HDAC9: variants seen among roughly 807,000 people sequenced by gnomAD.
The protein encoded by HDAC9 is MEF-2 interacting transcription repressor (MITR) protein.
HDAC9 carries 41 observed loss-of-function variants against 139.4 expected under a neutral mutation model. That is an observed-to-expected ratio of 0.29 (90% CI 0.23 to 0.38). The LOEUF is 0.38. Among genes scored for constraint, HDAC9 ranks in the 10% least tolerant of loss-of-function variants. HDAC9 has a pLI of 1.00. For missense variants in HDAC9, 1,147 were observed against 1,297.0 expected (o/e 0.88, Z 1.78); for synonymous variants, 517 against 476.2 (o/e 1.09, Z -1.12).
chr7:18,228,874 C>G (rs1235064738), intron 2 of HDAC9, among the ~76,000 whole-genome samples: 1 of 152,154 alleles, frequency 6.6e-6, no homozygotes, highest in African/African-American at 2.4e-5. Flanking sequence ...ACCAACATTT[C>G]TAACAGAATA....
intron 6 of HDAC9, among the ~76,000 whole-genome samples, chr7:18,606,179 C>T (rs147164064): frequency 6.6e-6 from 1 of 152,312 alleles, no homozygotes; most frequent in East Asian, 1.9e-4. Flanking sequence ...GTTTGCCCTG[C>T]AACCTTAATT....
chr7:18,624,964 A>G (rs2128957430), intron 6 of HDAC9, among the ~76,000 whole-genome samples: 1 of 152,142 alleles, frequency 6.6e-6, no homozygotes, highest in African/African-American at 2.4e-5. Context: ...GAGAAGTTGT[A>G]TACTGTATAT....
At chr7:18,702,782 G>C (rs900009545) in intron 12 of HDAC9, among the ~76,000 whole-genome samples, 2 of 152,134 alleles carry the variant, frequency 1.3e-5, no homozygotes, top group Admixed American at 1.3e-4. Flanking sequence ...AAAAATCTCT[G>C]CCCACACTTT....
chr7:18,203,242 A>C (rs1485557082), intron 2 of HDAC9, among the ~76,000 whole-genome samples: 4 of 152,210 alleles, frequency 2.6e-5, no homozygotes, highest in African/African-American at 9.6e-5. Flanking sequence ...ATATTAATAA[A>C]TAACCTGACT....
chr7:18,380,009 C>T (rs1785295078), intron 1 of HDAC9, among the ~76,000 whole-genome samples: 1 of 152,130 alleles, frequency 6.6e-6, no homozygotes, highest in Non-Finnish European at 1.5e-5. Flanking sequence ...AATGGAGTAA[C>T]ACATTTTAGT....
intron 12 of HDAC9, among the ~76,000 whole-genome samples, chr7:18,684,851 C>G (rs1426238362): frequency 1.3e-5 from 2 of 151,982 alleles, no homozygotes; most frequent in Non-Finnish European, 2.9e-5. Flanking sequence ...GAAAACTCCC[C>G]TCCACCTAAG....
intron 6 of HDAC9, among the ~76,000 whole-genome samples, chr7:18,608,353 T>C (rs1836120587): frequency 6.6e-6 from 1 of 152,130 alleles, no homozygotes; most frequent in Admixed American, 6.5e-5. Context: ...AATAACAGTT[T>C]GACGTGACAT....
intron 1 of HDAC9, among the ~76,000 whole-genome samples, chr7:18,335,248 A>G (rs759024044): frequency 4.0e-5 from 6 of 151,592 alleles, no homozygotes; most frequent in Non-Finnish European, 5.9e-5. Flanking sequence ...GAAGAAATAC[A>G]TGTAATGCAG....
intron 1 of HDAC9, among the ~76,000 whole-genome samples, chr7:18,433,477 T>G (rs1790870667): frequency 1.3e-5 from 2 of 152,156 alleles, no homozygotes; most frequent in Non-Finnish European, 2.9e-5. Context: ...ACAATATGAT[T>G]CTATAGTCTC....
chr7:18,942,631 G>A (rs548926102), intron 23 of HDAC9, among the ~76,000 whole-genome samples: 11 of 152,000 alleles, frequency 7.2e-5, no homozygotes, highest in Non-Finnish European at 1.2e-4. Context: ...AATTTTCCCA[G>A]ATAATCAATA....
intron 12 of HDAC9, among the ~76,000 whole-genome samples, chr7:18,705,070 A>T (rs931723843): frequency 2.0e-5 from 3 of 152,216 alleles, no homozygotes; most frequent in African/African-American, 7.2e-5. Flanking sequence ...TAAATTAAAT[A>T]TGCGTTCCTG....
intron 1 of HDAC9, among the ~76,000 whole-genome samples, chr7:18,093,075 G>T (rs555999437): frequency 3.3e-5 from 5 of 152,250 alleles, no homozygotes; most frequent in African/African-American, 1.2e-4. Context: ...TGACTATAGG[G>T]TGCTATGTAG....
At chr7:18,102,864 G>A (rs1382489998) in intron 1 of HDAC9, among the ~76,000 whole-genome samples, 1 of 152,202 alleles carries the variant, frequency 6.6e-6, no homozygotes, top group East Asian at 1.9e-4. Flanking sequence ...TGGAATGTGG[G>A]AATAATGGTT....
chr7:18,266,632 A>G lies in HDAC9; in HGVS notation c.25+104283A>G, dbSNP rs543121706. Among the ~76,000 whole-genome samples, 80 of 152,280 alleles carry G rather than the reference A, an allele frequency of 5.3e-4. 1 individual carries two copies. Among genetic ancestry groups the G allele is most frequent in the African/African-American group, 1.8e-3 (73 of 41,564 alleles). ...TGTTTCATCAAGAATATTAGTAAATAAAATATATGTTGTAGGTTTTTTCCT... is the reference window on the plus strand; with the variant it reads ...TGTTTCATCAAGAATATTAGTAAATGAAATATATGTTGTAGGTTTTTTCCT... On this transcript the variant is annotated intron_variant, in intron 2 of 12. Coordinates refer to the HDAC9 transcript ENST00000417496.
intron 19 of HDAC9, 85 bp from the exon 20 acceptor site, chr7:18,835,382 A>G: frequency 7.3e-7 from 1 of 1,375,012 alleles, no homozygotes. Context: ...AGTGGTAGAA[A>G]GACAGGGAAC....
Position 18,793,380 on chromosome 7 carries a change from G to T in HDAC9, c.2250G>T (p.Ser750=). Residue 750 remains serine (S), a synonymous_variant, in exon 17 of 26, where the codon TCG becomes TCT. Coordinates refer to ENST00000686413, the MANE Select transcript of HDAC9 (RefSeq NM_178425.4). The stretch of plus-strand genomic sequence containing the variant: ...ACACCATTTGGAATGAGCTACACTC[G>T]TCCGGTGCTGCACGCATGGCTGTTG... The part of the protein sequence containing the change: ...DSDTIWNELH[S]SGAARMAVGC... 8 of 1,584,004 alleles carry T rather than the reference G, an allele frequency of 5.1e-6. No homozygotes were observed. Among genetic ancestry groups the T allele is most frequent in the Non-Finnish European group, 6.9e-6 (8 of 1,164,932 alleles).
chr7:18,102,469 G>A lies in HDAC9; in HGVS notation c.-97+15256G>A, dbSNP rs11971181. Among the ~76,000 whole-genome samples the A allele has an allele frequency of 1.1e-3, 172 of 152,310 alleles. 1 individual carries two copies. Among genetic ancestry groups the A allele is most frequent in the African/African-American group, 4.0e-3 (168 of 41,574 alleles). On this transcript the variant is annotated intron_variant, in intron 1 of 12. Transcript: ENST00000417496. ...GCACCATGAAGCCAAAATTGTGGCA[G>A]TGTTACATGGCTATGTTTCCAATAT...
intron 2 of HDAC9, among the ~76,000 whole-genome samples, chr7:18,523,294 C>T (rs1217039162): frequency 1.3e-5 from 2 of 152,172 alleles, no homozygotes; most frequent in Admixed American, 6.5e-5. Context: ...TGGGACACTC[C>T]TTAAAATGGG....
chr7:18,735,729 G>T (rs1562897315), intron 13 of HDAC9, among the ~76,000 whole-genome samples: 2 of 152,092 alleles, frequency 1.3e-5, no homozygotes, highest in South Asian at 4.1e-4. Context: ...CTCTTTTCTG[G>T]TTCCATACAA....
Sources: allele counts gnomAD v4.1 joint callset (sites outside exome capture counted in the v4.1 genomes callset), GRCh38; gene constraint gnomAD v4.1.1; transcripts MANE v1.5; gene names NCBI Gene and HGNC (gene_info 2026-07-23, HGNC 2026-07-21).